Variants in EPHA6 observed in about 807,000 individuals in gnomAD.
EPHA6 encodes EPH receptor A6.
Under a neutral mutation model 112.0 loss-of-function variants are expected in EPHA6, and 50 were observed. The observed-to-expected ratio is 0.45, with a 90% CI of 0.36 to 0.56. EPHA6 has a LOEUF of 0.56. Ranked by LOEUF, EPHA6 falls within the 20% of genes least tolerant of loss-of-function variation. EPHA6 has a pLI of 0.00. For missense variants in EPHA6, 1,280 were observed against 1,417.4 expected (o/e 0.90, Z 1.56); for synonymous variants, 529 against 490.7 (o/e 1.08, Z -1.03).
At chr3:97,303,656 A>G (rs1259730179) in intron 5 of EPHA6, among the ~76,000 whole-genome samples, 1 of 152,000 alleles carries the variant, frequency 6.6e-6, no homozygotes, top group Admixed American at 6.6e-5. Context: ...CAGGGCGAAC[A>G]TATATGAGAA....
Position 97,475,418 on chromosome 3 carries a change from C to T in EPHA6, c.1961C>T (p.Thr654Ile), listed in dbSNP as rs1486471056. The T allele has an allele frequency of 1.2e-6, 2 of 1,612,188 alleles. No homozygotes were observed. The highest frequency in any genetic ancestry group is 1.3e-5 in the African/African-American group (1 of 74,846). Residue 654 changes from threonine to isoleucine, a missense_variant, in exon 8 of 18, where the codon ACT (threonine) becomes ATT (isoleucine). Physicochemically the swap from Thr to Ile is moderately conservative, Grantham distance 89 (BLOSUM62 -1). Around this residue, in one of 4 missense-constraint regions of EPHA6, gnomAD observed 878 missense variants for 999.7 expected, o/e 0.88. Transcript: ENST00000389672. ...GCCACCGCCGCTGTTGGCGGATTCA[C>T]TCTCCTCGTCATCCTCACTTTATTC... is the stretch of plus-strand genomic sequence containing the variant. ...VIATAAVGGF[T>I]LLVILTLFFL...
chr3:96,943,718 G>A (rs1467005147), intron 2 of EPHA6, among the ~76,000 whole-genome samples: 1 of 152,180 alleles, frequency 6.6e-6, no homozygotes, highest in Non-Finnish European at 1.5e-5. Flanking sequence ...GTATGATAGA[G>A]TATGGTGTTG....
chr3:97,649,465 A>G (rs1170828188), intron 14 of EPHA6, among the ~76,000 whole-genome samples: 2 of 152,114 alleles, frequency 1.3e-5, no homozygotes, highest in Non-Finnish European at 2.9e-5. Flanking sequence ...AGCAGCATAT[A>G]TAGAATATAA....
At chr3:97,622,886 C>T (rs1035016944) in intron 13 of EPHA6, among the ~76,000 whole-genome samples, 1 of 151,588 alleles carries the variant, frequency 6.6e-6, no homozygotes, top group Non-Finnish European at 1.5e-5. Context: ...TGCTTATTGG[C>T]CATTTGTATA....
rs144439014 is a variant in EPHA6, at chr3:97,240,674, C to T, written c.1271-3278C>T. Among the ~76,000 whole-genome samples, 471 of 151,874 alleles carry T rather than the reference C, an allele frequency of 3.1e-3. 4 individuals carry two copies. Among genetic ancestry groups the T allele is most frequent in the African/African-American group, 0.011 (450 of 41,494 alleles). ...ATGCGACAACTGAAATATGGCCCTTCAGCTTGTTCTTCTTCTGTGTCAGAC... is the reference window on the plus strand; with the variant it reads ...ATGCGACAACTGAAATATGGCCCTTTAGCTTGTTCTTCTTCTGTGTCAGAC... On this transcript the variant is annotated intron_variant, in intron 4 of 17. Coordinates refer to ENST00000389672, the MANE Select transcript of EPHA6 (RefSeq NM_001080448.3).
intron 3 of EPHA6, among the ~76,000 whole-genome samples, chr3:97,010,979 C>CGT (rs139361398): frequency 1.3e-4 from 20 of 151,474 alleles, no homozygotes; most frequent in South Asian, 6.2e-4. Context: ...GTATGTGGTG[C>CGT]GTGTGTGTGT....
intron 2 of EPHA6, among the ~76,000 whole-genome samples, chr3:96,876,812 C>T (rs1410699675): frequency 6.6e-6 from 1 of 152,030 alleles, no homozygotes; most frequent in African/African-American, 2.4e-5. Context: ...CTCACTTTTT[C>T]CTATTGGTCT....
chr3:96,945,408 G>A (rs2041201539), intron 2 of EPHA6, among the ~76,000 whole-genome samples: 1 of 152,130 alleles, frequency 6.6e-6, no homozygotes, highest in South Asian at 2.1e-4. Context: ...ATTATCAGCT[G>A]ACTCATACAT....
At chr3:96,996,633 A>G (rs2043434666) in intron 3 of EPHA6, among the ~76,000 whole-genome samples, 1 of 152,080 alleles carries the variant, frequency 6.6e-6, no homozygotes, top group Admixed American at 6.6e-5. Context: ...TACTATTTTG[A>G]AAGCAATCTT....
intron 3 of EPHA6, among the ~76,000 whole-genome samples, chr3:97,132,869 T>C (rs561469571): frequency 1.1e-4 from 16 of 152,116 alleles, no homozygotes; most frequent in African/African-American, 2.2e-4. Flanking sequence ...AGGGCTAAGC[T>C]TGCTACTAAA....
intron 3 of EPHA6, among the ~76,000 whole-genome samples, chr3:97,199,087 A>G (rs967862094): frequency 6.6e-6 from 1 of 152,162 alleles, no homozygotes; most frequent in Non-Finnish European, 1.5e-5. Context: ...ACAGGCATAT[A>G]TGAGATGAGA....
intron 3 of EPHA6, among the ~76,000 whole-genome samples, chr3:97,186,051 G>A (rs139169069): frequency 0.057 from 7,655 of 133,930 alleles, 557 homozygotes; most frequent in Admixed American, 0.21. Context: ...ATCACACACC[G>A]GGGACTGTTG....
At chr3:96,931,684 T>C (rs77191599) in intron 2 of EPHA6, among the ~76,000 whole-genome samples, 3,476 of 152,334 alleles carry the variant, frequency 0.023, 138 homozygotes, top group African/African-American at 0.079. Context: ...AGCTGCCTTT[T>C]CCCCTGGGAG....
chr3:97,147,445 A>G (rs2108366707), intron 3 of EPHA6, among the ~76,000 whole-genome samples: 1 of 151,974 alleles, frequency 6.6e-6, no homozygotes, highest in Non-Finnish European at 1.5e-5. Context: ...TTTTTTCTGC[A>G]AAGCACAATG....
At chr3:97,326,739 C>G (rs2082445005) in intron 5 of EPHA6, among the ~76,000 whole-genome samples, 1 of 152,010 alleles carries the variant, frequency 6.6e-6, no homozygotes, top group Non-Finnish European at 1.5e-5. Flanking sequence ...CTGCAAAGAA[C>G]AAAATGATTC....
chr3:97,523,263 C>T (rs1347603629), intron 10 of EPHA6, among the ~76,000 whole-genome samples: 1 of 152,072 alleles, frequency 6.6e-6, no homozygotes, highest in African/African-American at 2.4e-5. Flanking sequence ...TTTTAACTTT[C>T]ATTTTTAATT....
intron 3 of EPHA6, among the ~76,000 whole-genome samples, chr3:97,051,628 T>C (rs2045687944): frequency 6.6e-6 from 1 of 152,084 alleles, no homozygotes; most frequent in Non-Finnish European, 1.5e-5. Context: ...TAAAACTCAT[T>C]TGATGTTAGA....
At position 97,670,211 on chromosome 3, in the gene EPHA6, A is replaced by G. The variant is rs1039755863; in HGVS notation, c.2784+32129A>G. Among the ~76,000 whole-genome samples the G allele has an allele frequency of 7.2e-4, 109 of 152,186 alleles. 3 individuals carry two copies. Among genetic ancestry groups the G allele is most frequent in the Non-Finnish European group, 1.8e-4 (12 of 68,046 alleles). ...TTTAAGTTACAAGGCATGTTTCTAA[A>G]TGTCCACATAAAACACCATAAATAC... is the stretch of plus-strand genomic sequence containing the variant. On this transcript the variant is annotated intron_variant, in intron 14 of 17. Coordinates refer to ENST00000389672, the MANE Select transcript of EPHA6 (RefSeq NM_001080448.3).
chr3:97,134,817 G>A (rs985143598), intron 3 of EPHA6, among the ~76,000 whole-genome samples: 1 of 152,046 alleles, frequency 6.6e-6, no homozygotes, highest in Admixed American at 6.6e-5. Context: ...AAATTATTAT[G>A]GCCCTTAGAA....
Sources: gnomAD v4.1 joint callset for allele counts (sites outside exome capture counted in the v4.1 genomes callset) on GRCh38, gnomAD v4.1.1 for gene constraint, gnomAD v4.1.1 regional missense constraint, MANE v1.5 for transcripts, NCBI Gene and HGNC (gene_info 2026-07-23, HGNC 2026-07-21) for gene names.